The following ADAM32 variants were observed in gnomAD, a reference collection of about 807,000 sequenced individuals.
The protein encoded by ADAM32 is disintegrin and metalloproteinase domain-containing protein 32.
Under a neutral mutation model 114.9 loss-of-function variants are expected in ADAM32, and 89 were observed. The ratio of observed to expected loss-of-function variants is 0.77; its 90% confidence interval spans 0.65 to 0.92. ADAM32 has a LOEUF of 0.92. Among genes scored for constraint, ADAM32 ranks in the 40% least tolerant of loss-of-function variants. The pLI is 0.00. For missense variants in ADAM32, 870 were observed against 932.8 expected (o/e 0.93, Z 0.88); for synonymous variants, 285 against 307.5 (o/e 0.93, Z 0.77).
At chr8:39,147,830 A>G (rs1803592833) in intron 4 of ADAM32, among the ~76,000 whole-genome samples, 1 of 151,910 alleles carries the variant, frequency 6.6e-6, no homozygotes, top group Non-Finnish European at 1.5e-5. Flanking sequence ...CTAGAGTGCA[A>G]TGGTGCGATC....
chr8:39,160,367 C>T (rs1804422053), intron 6 of ADAM32, among the ~76,000 whole-genome samples: 1 of 151,934 alleles, frequency 6.6e-6, no homozygotes, highest in Non-Finnish European at 1.5e-5. Context: ...AGTGAAACTC[C>T]GCCTCTACTA....
chr8:39,281,200 A>T (rs1322391969), intron 23 of ADAM32, 26 bp downstream of exon 23: 1 of 1,289,060 alleles, frequency 7.8e-7, no homozygotes, highest in Non-Finnish European at 1.0e-6. Flanking sequence ...AGTGTTACTT[A>T]TAAATAAGTA....
chr8:39,259,079 G>A (rs1179429602), intron 19 of ADAM32, among the ~76,000 whole-genome samples: 1 of 151,592 alleles, frequency 6.6e-6, no homozygotes. Flanking sequence ...AGTTCATTAT[G>A]CTCATATGCT....
chr8:39,164,454 C>T (rs1376329837), intron 7 of ADAM32, among the ~76,000 whole-genome samples: 4 of 152,060 alleles, frequency 2.6e-5, no homozygotes, highest in East Asian at 1.9e-4. Flanking sequence ...CAAGTATTTG[C>T]GTGAGGATCA....
rs575294473 is a variant in ADAM32 at position 39,235,639 on chromosome 8, A to G, written c.1818+1557A>G. 8.9e-4 allele frequency among the ~76,000 whole-genome samples: 135 copies of G among 152,324 alleles called. 1 individual carries two copies. The highest frequency in any genetic ancestry group is 3.2e-3 in the African/African-American group (131 of 41,586). On this transcript the variant is annotated intron_variant, in intron 16 of 24. Coordinates refer to ENST00000379907, the MANE Select transcript of ADAM32 (RefSeq NM_145004.7). ...GAAATAATGTGTAAAAACAAATTTTACTGGGTAGTTTTTAATGATAGTATA... is the reference window on the plus strand; with the variant it reads ...GAAATAATGTGTAAAAACAAATTTTGCTGGGTAGTTTTTAATGATAGTATA...
chr8:39,256,849 TA>T (rs1157820451), intron 18 of ADAM32, among the ~76,000 whole-genome samples: 1 of 152,048 alleles, frequency 6.6e-6, no homozygotes, highest in East Asian at 1.9e-4. Flanking sequence ...ATGCACCTTG[TA>T]AGAGTGCATT....
intron 10 of ADAM32, among the ~76,000 whole-genome samples, chr8:39,172,189 C>A (rs370382027): frequency 6.6e-6 from 1 of 151,972 alleles, no homozygotes; most frequent in Non-Finnish European, 1.5e-5. Context: ...TGGGTGAAAC[C>A]AACTGCCACA....
chr8:39,186,831 T>C, intron 10 of ADAM32, 78 bp from the exon 11 acceptor site: 1 of 1,189,568 alleles, frequency 8.4e-7, no homozygotes, highest in African/African-American at 1.5e-5. Context: ...AATAATAAAA[T>C]ATTCATAATT....
intron 11 of ADAM32, among the ~76,000 whole-genome samples, chr8:39,201,860 G>A (rs1239451164): frequency 2.0e-5 from 3 of 152,106 alleles, no homozygotes; most frequent in Admixed American, 6.6e-5. Context: ...TTTATCAAAG[G>A]CCTTTTCTGC....
intron 11 of ADAM32, among the ~76,000 whole-genome samples, chr8:39,205,823 C>T (rs943424740): frequency 4.6e-5 from 7 of 152,158 alleles, no homozygotes; most frequent in Non-Finnish European, 1.0e-4. Context: ...TGTTTTGTCT[C>T]ACTAAGTTTC....
intron 2 of ADAM32, among the ~76,000 whole-genome samples, chr8:39,123,428 G>T (rs1356223574): frequency 6.6e-6 from 1 of 151,996 alleles, no homozygotes; most frequent in East Asian, 1.9e-4. Flanking sequence ...CCACACTGGG[G>T]GTTTGGTTTT....
At chr8:39,154,834 A>C (rs546703312) in intron 6 of ADAM32, among the ~76,000 whole-genome samples, 1 of 150,062 alleles carries the variant, frequency 6.7e-6, no homozygotes, top group Admixed American at 6.6e-5. Flanking sequence ...GGTTGCATAA[A>C]TGTCTTCTTT....
At chr8:39,275,805 A>C (rs1813036236) in intron 21 of ADAM32, 23 bp from the exon 22 acceptor site, 2 of 1,546,032 alleles carry the variant, frequency 1.3e-6, no homozygotes, top group Non-Finnish European at 1.7e-6. Context: ...ACGTGGAAGC[A>C]TTACTTTTTC....
chr8:39,246,058 T>A, intron 16 of ADAM32, 25 bp from the exon 17 acceptor site: 1 of 1,598,276 alleles, frequency 6.3e-7, no homozygotes, highest in Non-Finnish European at 8.6e-7. Flanking sequence ...ACATGGGAAC[T>A]TTTTTTGTAT....
At chr8:39,259,159 GT>G (rs538989993) in intron 19 of ADAM32, among the ~76,000 whole-genome samples, 167 of 144,820 alleles carry the variant, frequency 1.2e-3, no homozygotes, top group African/African-American at 3.8e-3. Context: ...CATGTTTTTT[GT>G]TTTTTTTTTC....
Position 39,198,000 on chromosome 8 carries a change from A to G in ADAM32, c.1052+10955A>G, listed in dbSNP as rs368034908. 8.5e-5 allele frequency among the ~76,000 whole-genome samples: 13 copies of G among 152,132 alleles called. No homozygotes were observed. The East Asian group carries it at 2.5e-3, about 29-fold the overall frequency. On this transcript the variant is annotated intron_variant, in intron 11 of 24. Coordinates refer to ENST00000379907, the MANE Select transcript of ADAM32 (RefSeq NM_145004.7). ...TTTGTTTTATATATCTGGGTGCTCC[A>G]TTGTTTGGTGCATATATATTTATAA...
intron 21 of ADAM32, 107 bp from the exon 22 acceptor site, chr8:39,275,721 A>G: frequency 1.9e-6 from 2 of 1,028,072 alleles, no homozygotes; most frequent in Non-Finnish European, 2.8e-6. Flanking sequence ...GATTCTTGGT[A>G]GAGAAGAATT....
At chr8:39,243,815 A>G (rs1157115064) in intron 16 of ADAM32, among the ~76,000 whole-genome samples, 5 of 152,196 alleles carry the variant, frequency 3.3e-5, no homozygotes, top group Non-Finnish European at 7.4e-5. Context: ...AAGAAAGAGT[A>G]TTCAAATTGA....
chr8:39,216,620 T>G (rs1229508520), intron 12 of ADAM32, among the ~76,000 whole-genome samples: 3 of 152,022 alleles, frequency 2.0e-5, no homozygotes, highest in African/African-American at 7.2e-5. Flanking sequence ...TTATATGTTT[T>G]TAGATTTGAG....
Sources: allele counts gnomAD v4.1 joint callset (sites outside exome capture counted in the v4.1 genomes callset), GRCh38; gene constraint gnomAD v4.1.1; transcripts MANE v1.5; gene names NCBI Gene and HGNC (gene_info 2026-07-23, HGNC 2026-07-21).